Variants in HGF observed in about 807,000 individuals in gnomAD.
HGF encodes the protein fibroblast-derived tumor cytotoxic factor.
HGF carries 39 observed loss-of-function variants against 111.6 expected under a neutral mutation model. That is an observed-to-expected ratio of 0.35 (90% CI 0.27 to 0.46). The LOEUF is 0.46. Among genes scored for constraint, HGF ranks in the 20% least tolerant of loss-of-function variants. The pLI, the probability that HGF is intolerant of heterozygous loss-of-function variation, is 1.00. For synonymous variants in HGF, 285 were observed against 294.8 expected, an observed-to-expected ratio of 0.97 and a Z score of 0.34; for missense variants, 735 against 910.5, an observed-to-expected ratio of 0.81 and a Z score of 2.48.
chr7:81,761,160 T>G (rs1450976651), intron 2 of HGF, among the ~76,000 whole-genome samples: 1 of 152,166 alleles, frequency 6.6e-6, no homozygotes, highest in Non-Finnish European at 1.5e-5. Context: ...TCTCCATGAA[T>G]CTACACAGCT....
At chr7:81,721,946 T>C (rs1789876738) in intron 9 of HGF, among the ~76,000 whole-genome samples, 1 of 152,206 alleles carries the variant, frequency 6.6e-6, no homozygotes, top group Admixed American at 6.5e-5. Flanking sequence ...GATGATAAAA[T>C]GGTTATTTTG....
intron 4 of HGF, 125 bp downstream of exon 4, chr7:81,757,064 T>A: frequency 1.4e-6 from 1 of 706,188 alleles, no homozygotes; most frequent in Non-Finnish European, 2.6e-6. Context: ...AACCTTGCCG[T>A]AATACAATTC....
intron 7 of HGF, among the ~76,000 whole-genome samples, chr7:81,730,349 G>T (rs1787605511): frequency 6.6e-6 from 1 of 152,158 alleles, no homozygotes; most frequent in Non-Finnish European, 1.5e-5. Context: ...CAGCTACTTG[G>T]GAGGCTGAGC....
At chr7:81,751,650 C>A in intron 5 of HGF, 1 of 996,076 alleles carries the variant, frequency 1.0e-6, no homozygotes, top group South Asian at 4.5e-5. Context: ...TCCAGTGATC[C>A]CTTCTTATAT....
chr7:81,756,273 G>T (rs951804574), intron 4 of HGF: 7 of 527,924 alleles, frequency 1.3e-5, no homozygotes, highest in African/African-American at 9.8e-5. Context: ...AAAACTACCC[G>T]CTGTGTGGTT....
rs146642463 is a variant in HGF at position 81,726,080 on chromosome 7, A to G, written c.1041-63T>C. The G allele has an allele frequency of 2.5e-4, 373 of 1,517,364 alleles. 1 individual carries two copies. In the African/African-American group the frequency reaches 4.3e-3, roughly 18 times the overall value. 94.0% of individuals were successfully genotyped at this position (1,517,364 alleles called of 1,614,324 possible). A position where few individuals can be genotyped will look rare whatever the true frequency, so the allele number is the denominator to read the frequency against. On this transcript the variant is annotated intron_variant, in intron 8 of 17. Coordinates refer to ENST00000222390, the MANE Select transcript of HGF (RefSeq NM_000601.6). ...TTCTTACGTTGGTGAAGTCAGCGCT[A>G]TTACATTTCTAGAATTCTAGAATGT...
intron 5 of HGF, chr7:81,751,426 C>G: frequency 1.0e-6 from 1 of 985,272 alleles, no homozygotes; most frequent in Non-Finnish European, 1.2e-6. Flanking sequence ...TTCAGTTTTC[C>G]ACTGCAAAAG....
chr7:81,729,774 T>C lies in HGF; in HGVS notation c.871A>G (p.Asn291Asp). The change falls in exon 8 of 18, where the codon AAT (asparagine) becomes GAT (aspartate). Residue 291 changes from asparagine (N) to aspartate (D), a missense_variant. This residue lies in a region of HGF where 553 missense variants were observed against 685.6 expected (regional missense o/e 0.81). Transcript: ENST00000222390. ...EYCAIKTCAD[N>D]TMNDTDVPLE... ...GGAACATCAGTGTCATTCATAGTAT[T>C]GTCAGCTATTGGCAAAAAACAACAA... 6.2e-7 allele frequency: 1 copy of C among 1,601,486 alleles called. No homozygotes were observed. Among genetic ancestry groups the C allele is most frequent in the East Asian group, 2.3e-5 (1 of 44,358 alleles).
chr7:81,717,431 C>A (rs1343676885), intron 10 of HGF, 66 bp from the exon 11 acceptor site: 1 of 1,421,288 alleles, frequency 7.0e-7, no homozygotes, highest in Non-Finnish European at 9.9e-7. Flanking sequence ...CAAAATATTA[C>A]AAAAAGATAT....
At chr7:81,752,960 C>A (rs1170647344) in intron 4 of HGF, among the ~76,000 whole-genome samples, 1 of 152,030 alleles carries the variant, frequency 6.6e-6, no homozygotes, top group Non-Finnish European at 1.5e-5. Context: ...TTAACAAATG[C>A]TACCTCTTAT....
intron 1 of HGF, 69 bp downstream of exon 1, chr7:81,769,815 A>C: frequency 8.6e-7 from 1 of 1,162,264 alleles, no homozygotes; most frequent in Non-Finnish European, 1.3e-6. Flanking sequence ...GGGTGTTAAA[A>C]GGAATAGGGA....
intron 2 of HGF, among the ~76,000 whole-genome samples, chr7:81,762,054 G>C (rs1045625417): frequency 4.6e-5 from 7 of 152,126 alleles, no homozygotes; most frequent in Non-Finnish European, 8.8e-5. Flanking sequence ...CTAGTGGCAG[G>C]GGTAGGGGGT....
rs1583972583 is a variant in HGF at position 81,742,796 on chromosome 7, C to T, written c.865+557G>A. The T allele has an allele frequency of 2.6e-6, 4 of 1,543,534 alleles. No homozygotes were observed. In the East Asian group the frequency reaches 7.3e-5, roughly 28 times the overall value. On this transcript the variant is annotated intron_variant, in intron 7 of 17. Transcript: ENST00000222390. ...CTAAAAGACAGATCGAAACAGAATG[C>T]AGGCTGGGTACAAAGACAGCGAGAG...
At chr7:81,755,676 TAAATA>T (rs1253807949) in intron 4 of HGF, 4 of 229,186 alleles carry the variant, frequency 1.7e-5, no homozygotes, top group African/African-American at 9.2e-5. Context: ...TCCATCTACT[TAAATA>T]AAATGTTTTC....
At chr7:81,767,224 T>G (rs1482566215) in intron 1 of HGF, among the ~76,000 whole-genome samples, 1 of 152,070 alleles carries the variant, frequency 6.6e-6, no homozygotes, top group African/African-American at 2.4e-5. Context: ...ATATATCACT[T>G]GGCCAAATGA....
Position 81,766,087 on chromosome 7 carries a change from A to G in HGF, c.89-3215T>C, listed in dbSNP as rs543347210. On this transcript the variant is annotated intron_variant, in intron 1 of 17. Transcript: ENST00000222390. ...TCCCTGTTTTAGAGCTGAAATCATT[A>G]GGATCCTAGTGAAAACCTACACACA... Among the ~76,000 whole-genome samples, 4 of 152,340 alleles carry G rather than the reference A, an allele frequency of 2.6e-5. No individual in the cohort carries two copies. The East Asian group carries it at 5.8e-4, about 22-fold the overall frequency.
chr7:81,722,853 A>ATATATATATATATATG, intron 9 of HGF, among the ~76,000 whole-genome samples: 1 of 149,244 alleles, frequency 6.7e-6, no homozygotes, highest in African/African-American at 2.5e-5. Flanking sequence ...AGGTATATAT[A>ATATATATATATATATG]TATATATATG....
chr7:81,755,559 A>T (rs1788726241), intron 4 of HGF: 1 of 153,180 alleles, frequency 6.5e-6, no homozygotes. Flanking sequence ...ACGATCATAG[A>T]AAACTCAGGG....
At chr7:81,757,550 G>A (rs112072288) in intron 3 of HGF, among the ~76,000 whole-genome samples, 4 of 152,042 alleles carry the variant, frequency 2.6e-5, no homozygotes, top group Non-Finnish European at 4.4e-5. Context: ...GAGAGCAGTC[G>A]CTGTACTTAA....
Sources: gnomAD v4.1 joint callset for allele counts (sites outside exome capture counted in the v4.1 genomes callset) on GRCh38, gnomAD v4.1.1 for gene constraint, gnomAD v4.1.1 regional missense constraint, MANE v1.5 for transcripts, NCBI Gene and HGNC (gene_info 2026-07-23, HGNC 2026-07-21) for gene names.